Variants in CNTNAP5 observed in about 807,000 individuals in gnomAD.
CNTNAP5 encodes the protein contactin-associated protein-like 5.
Under a neutral mutation model 150.2 loss-of-function variants are expected in CNTNAP5, and 72 were observed. The observed-to-expected ratio is 0.48, with a 90% CI of 0.40 to 0.58. CNTNAP5 has a LOEUF of 0.58. Among genes scored for constraint, CNTNAP5 ranks in the 20% least tolerant of loss-of-function variants. The pLI, the probability that CNTNAP5 is intolerant of heterozygous loss-of-function variation, is 0.00. For missense variants in CNTNAP5, 1,636 were observed against 1,626.2 expected (o/e 1.01, Z -0.10); for synonymous variants, 672 against 619.8 (o/e 1.08, Z -1.25).
chr2:124,322,433 A>G lies in CNTNAP5; in HGVS notation c.381+80040A>G, dbSNP rs1689123738. On this transcript the variant is annotated intron_variant, in intron 3 of 23. Coordinates refer to ENST00000682447, the MANE Select transcript of CNTNAP5 (RefSeq NM_001367498.1). ...ATGTTTGAGAGGGCTTATCATCTGT[A>G]GATACTCAAGTTAACCTAAGAAATT... Among the ~76,000 whole-genome samples the G allele has an allele frequency of 2.0e-5, 3 of 152,160 alleles. No homozygotes were observed. The South Asian group carries it at 6.2e-4, about 31-fold the overall frequency.
chr2:124,147,792 C>T (rs971210423), intron 1 of CNTNAP5, among the ~76,000 whole-genome samples: 2 of 152,118 alleles, frequency 1.3e-5, no homozygotes, highest in Non-Finnish European at 2.9e-5. Context: ...GGCTTGGGCT[C>T]GGGCACCCTT....
chr2:124,082,359 A>C, intron 1 of CNTNAP5, among the ~76,000 whole-genome samples: 1 of 151,216 alleles, frequency 6.6e-6, no homozygotes, highest in Admixed American at 6.6e-5. Flanking sequence ...AAAAAAAAAA[A>C]AAAAAAAAAA....
chr2:124,031,911 A>T (rs2104621241), intron 1 of CNTNAP5, among the ~76,000 whole-genome samples: 1 of 152,266 alleles, frequency 6.6e-6, no homozygotes. Flanking sequence ...ATCCTATGTC[A>T]TCTTTTTAAG....
At chr2:124,882,598 G>A (rs1336310050) in intron 21 of CNTNAP5, among the ~76,000 whole-genome samples, 1 of 152,094 alleles carries the variant, frequency 6.6e-6, no homozygotes, top group African/African-American at 2.4e-5. Context: ...TCTAGCGTAT[G>A]CAGAGATGCT....
chr2:124,150,315 G>A (rs533916143), intron 1 of CNTNAP5, among the ~76,000 whole-genome samples: 1 of 152,276 alleles, frequency 6.6e-6, no homozygotes, highest in South Asian at 2.1e-4. Flanking sequence ...CCCAGCCTCT[G>A]TTTATCGATT....
In CNTNAP5 at chr2:124,417,512, T is replaced by C. The variant is rs200969624; in HGVS notation, c.451T>C (p.Phe151Leu). 5.3e-5 allele frequency: 86 copies of C among 1,613,684 alleles called. No individual in the cohort carries two copies. The highest frequency in any genetic ancestry group is 3.6e-5 in the Non-Finnish European group (42 of 1,179,848). The change falls in exon 4 of 24, where the codon TTT becomes CTT. Residue 151 changes from phenylalanine (F) to leucine (L), a missense_variant. Coordinates refer to ENST00000682447, the MANE Select transcript of CNTNAP5 (RefSeq NM_001367498.1). ...HKLLHSVRARFVRFVPLEWNP... is the reference protein window; with the variant it reads ...HKLLHSVRARLVRFVPLEWNP... ...GCTATTGCACTCAGTGAGAGCCCGA[T>C]TTGTTCGCTTTGTGCCCCTGGAATG...
At chr2:124,316,630 C>G (rs1688966295) in intron 3 of CNTNAP5, among the ~76,000 whole-genome samples, 1 of 151,420 alleles carries the variant, frequency 6.6e-6, no homozygotes, top group African/African-American at 2.4e-5. Flanking sequence ...ACTGTGAAAA[C>G]CCGTCTCTAC....
chr2:124,599,836 G>C (rs960993920), intron 11 of CNTNAP5, among the ~76,000 whole-genome samples: 2 of 151,502 alleles, frequency 1.3e-5, no homozygotes, highest in Admixed American at 6.6e-5. Context: ...TCATGGGTTG[G>C]GGGGAGCTCC....
rs55954535 is a variant in CNTNAP5, at chr2:124,046,433, G to GAAAAAA, written c.82+20712_82+20717dup. Among the ~76,000 whole-genome samples, 58 of 134,594 alleles carry GAAAAAA rather than the reference G, an allele frequency of 4.3e-4. 1 individual carries two copies. The highest frequency in any genetic ancestry group is 1.4e-3 in the African/African-American group (50 of 35,356). 88.3% of individuals were successfully genotyped at this position (134,594 alleles called of 152,430 possible). On this transcript the variant is annotated intron_variant, in intron 1 of 23. Coordinates refer to ENST00000682447, the MANE Select transcript of CNTNAP5 (RefSeq NM_001367498.1). The stretch of plus-strand genomic sequence containing the variant: ...CCCTGAGATCTGCTCACAAAAGAGA[G>GAAAAAA]AAAAAAAAAAAAAAAACAGAGAATA...
intron 19 of CNTNAP5, among the ~76,000 whole-genome samples, chr2:124,812,773 G>T (rs986954686): frequency 6.6e-6 from 1 of 152,060 alleles, no homozygotes; most frequent in Non-Finnish European, 1.5e-5. Flanking sequence ...AAATGTATAT[G>T]ATTGATGTCC....
intron 3 of CNTNAP5, among the ~76,000 whole-genome samples, chr2:124,400,485 T>G (rs1691377234): frequency 6.6e-6 from 1 of 152,138 alleles, no homozygotes; most frequent in African/African-American, 2.4e-5. Flanking sequence ...GGCTTTACCC[T>G]GTATACCTGA....
chr2:124,573,564 C>T (rs529735779), intron 11 of CNTNAP5, among the ~76,000 whole-genome samples: 1 of 152,302 alleles, frequency 6.6e-6, no homozygotes, highest in East Asian at 1.9e-4. Flanking sequence ...GCTGATGTTG[C>T]TTCCATTGGA....
In CNTNAP5 at chr2:124,139,019, C is replaced by CAGGACTCAGGA. The variant is rs200908593; in HGVS notation, c.83-82682_83-82681insCTCAGGAAGGA. Among the ~76,000 whole-genome samples, 855 of 152,196 alleles carry CAGGACTCAGGA rather than the reference C, an allele frequency of 5.6e-3. 6 individuals carry two copies. Among genetic ancestry groups the CAGGACTCAGGA allele is most frequent in the African/African-American group, 0.019 (795 of 41,510 alleles). The stretch of plus-strand genomic sequence containing the variant: ...TGCTATATATTGAGTCCTGAGTCTA[C>CAGGACTCAGGA]AGGAGGTTCCCTTCCACCACATCCC... On this transcript the variant is annotated intron_variant, in intron 1 of 23. Transcript: ENST00000682447.
intron 19 of CNTNAP5, among the ~76,000 whole-genome samples, chr2:124,816,387 T>C (rs1356660346): frequency 6.6e-6 from 1 of 152,144 alleles, no homozygotes; most frequent in African/African-American, 2.4e-5. Context: ...TCCTATTTTC[T>C]TTCTGGGCTG....
At chr2:124,241,718 T>C (rs932589757) in intron 2 of CNTNAP5, among the ~76,000 whole-genome samples, 1 of 151,998 alleles carries the variant, frequency 6.6e-6, no homozygotes. Flanking sequence ...ATCTTGACCA[T>C]GATAGGTTCA....
chr2:124,217,559 T>C (rs1281205491), intron 1 of CNTNAP5, among the ~76,000 whole-genome samples: 3 of 152,204 alleles, frequency 2.0e-5, no homozygotes, highest in Non-Finnish European at 4.4e-5. Context: ...CGCAATGTCA[T>C]CTTTATGCAG....
At position 124,484,522 on chromosome 2, in the gene CNTNAP5, A is replaced by C. The variant is rs554092960; in HGVS notation, c.1062+9640A>C. The stretch of plus-strand genomic sequence containing the variant: ...CTTCATCTACATGGTAGAGATAATA[A>C]TGCCTACTTTACATATATAAAGTGA... On this transcript the variant is annotated intron_variant, in intron 7 of 23. Coordinates refer to ENST00000682447, the MANE Select transcript of CNTNAP5 (RefSeq NM_001367498.1). Among the ~76,000 whole-genome samples, 55 of 152,326 alleles carry C rather than the reference A, an allele frequency of 3.6e-4. 2 individuals are homozygous for C. The highest frequency in any genetic ancestry group is 1.3e-3 in the African/African-American group (53 of 41,576).
intron 8 of CNTNAP5, among the ~76,000 whole-genome samples, chr2:124,514,503 G>A: frequency 6.6e-6 from 1 of 152,078 alleles, no homozygotes; most frequent in Non-Finnish European, 1.5e-5. Context: ...ATTGGCTTTA[G>A]GAAACTTTTG....
intron 3 of CNTNAP5, among the ~76,000 whole-genome samples, chr2:124,250,666 T>TG (rs1198922108): frequency 6.6e-6 from 1 of 151,996 alleles, no homozygotes; most frequent in Non-Finnish European, 1.5e-5. Context: ...AGGAGGAGCC[T>TG]GGGGGAGTTA....
Sources: gnomAD v4.1 joint callset for allele counts (sites outside exome capture counted in the v4.1 genomes callset) on GRCh38, gnomAD v4.1.1 for gene constraint, MANE v1.5 for transcripts, NCBI Gene and HGNC (gene_info 2026-07-23, HGNC 2026-07-21) for gene names.